The following FHOD3 variants were observed in gnomAD, a reference collection of about 807,000 sequenced individuals.
FHOD3 encodes formin homology 2 domain containing 3.
Under a neutral mutation model 173.0 loss-of-function variants are expected in FHOD3, and 90 were observed. The ratio of observed to expected loss-of-function variants is 0.52; its 90% CI spans 0.44 to 0.62. The LOEUF (loss-of-function observed/expected upper bound fraction) is 0.62, where lower values mean the gene tolerates loss of function less well. FHOD3 is among the 20% of genes least tolerant of loss of function. FHOD3 has a pLI of 0.00. For synonymous variants in FHOD3, 828 were observed against 823.0 expected, an observed-to-expected ratio of 1.01 and a Z score of -0.10; for missense variants, 1,945 against 2,034.7, an observed-to-expected ratio of 0.96 and a Z score of 0.85.
intron 7 of FHOD3, among the ~76,000 whole-genome samples, chr18:36,597,419 TTTTTG>T (rs949490344): frequency 2.6e-5 from 4 of 152,104 alleles, no homozygotes; most frequent in African/African-American, 7.2e-5. Flanking sequence ...ATTGTTTTTG[TTTTTG>T]TTTTGTTTTG....
intron 3 of FHOD3, among the ~76,000 whole-genome samples, chr18:36,474,834 C>G (rs1041759175): frequency 1.3e-5 from 2 of 152,050 alleles, no homozygotes; most frequent in African/African-American, 4.8e-5. Flanking sequence ...GGCCTGGGGC[C>G]CTCTGGCTGG....
At chr18:36,430,064 C>T (rs942106467) in intron 3 of FHOD3, among the ~76,000 whole-genome samples, 8 of 152,252 alleles carry the variant, frequency 5.3e-5, no homozygotes, top group East Asian at 1.9e-4. Context: ...CAGAATGATA[C>T]GTTTTCATCT....
At chr18:36,639,662 C>G (rs1216909223) in intron 10 of FHOD3, among the ~76,000 whole-genome samples, 3 of 77,862 alleles carry the variant, frequency 3.9e-5, no homozygotes, top group Non-Finnish European at 7.5e-5. Flanking sequence ...GACTCCATCT[C>G]AAAAAAAAAA....
At chr18:36,597,036 A>G (rs1311547221) in intron 7 of FHOD3, among the ~76,000 whole-genome samples, 12 of 152,148 alleles carry the variant, frequency 7.9e-5, no homozygotes, top group Admixed American at 7.9e-4. Context: ...GCTTGAGGAC[A>G]ACTAACAAAC....
intron 5 of FHOD3, among the ~76,000 whole-genome samples, chr18:36,535,943 T>C (rs1365618071): frequency 2.6e-5 from 4 of 152,214 alleles, no homozygotes; most frequent in African/African-American, 9.6e-5. Context: ...TTGCAGATTT[T>C]TTAATTGACT....
At chr18:36,589,055 G>GGC (rs2059127723) in intron 6 of FHOD3, among the ~76,000 whole-genome samples, 1 of 152,162 alleles carries the variant, frequency 6.6e-6, no homozygotes, top group South Asian at 2.1e-4. Flanking sequence ...GTCCTCTGAA[G>GGC]GCTTTTAGCC....
rs2042078133 is a variant in FHOD3 at position 36,744,941 on chromosome 18, A to C, written c.4041+748A>C. Among the ~76,000 whole-genome samples, 3 of 152,120 alleles carry C rather than the reference A, an allele frequency of 2.0e-5. No individual in the cohort carries two copies. In the South Asian group the frequency reaches 6.2e-4, roughly 32 times the overall value. ...GAGGGCAGGGGTGGAAAATACCCTT[A>C]AATAGGGCACAGCAACCAGGCTAGT... On this transcript the variant is annotated intron_variant, in intron 23 of 28. Transcript: ENST00000590592.
At chr18:36,766,629 C>A (rs902662699) in intron 27 of FHOD3, among the ~76,000 whole-genome samples, 1 of 152,054 alleles carries the variant, frequency 6.6e-6, no homozygotes, top group African/African-American at 2.4e-5. Flanking sequence ...CCAAGAGGAG[C>A]GGACATAAAG....
intron 6 of FHOD3, 44 bp downstream of exon 6, chr18:36,576,589 C>T (rs1406276495): frequency 4.8e-6 from 7 of 1,456,340 alleles, no homozygotes; most frequent in Non-Finnish European, 6.6e-6. Flanking sequence ...CTTGTCATAT[C>T]ACTTGCCTTT....
intron 17 of FHOD3, among the ~76,000 whole-genome samples, chr18:36,693,925 C>G (rs1382501331): frequency 6.6e-6 from 1 of 152,196 alleles, no homozygotes; most frequent in East Asian, 1.9e-4. Flanking sequence ...GTAAAAATTA[C>G]TGGCACATGG....
At chr18:36,615,484 G>C (rs1267367038) in intron 9 of FHOD3, among the ~76,000 whole-genome samples, 1 of 152,084 alleles carries the variant, frequency 6.6e-6, no homozygotes, top group African/African-American at 2.4e-5. Context: ...TTTTGTATAT[G>C]TGGGTGTGTG....
intron 3 of FHOD3, among the ~76,000 whole-genome samples, chr18:36,397,531 A>G (rs1056546569): frequency 2.0e-5 from 3 of 152,212 alleles, no homozygotes; most frequent in Non-Finnish European, 2.9e-5. Flanking sequence ...CAAGTAGTAT[A>G]GAGACCCCAT....
At chr18:36,530,171 A>AAACG (rs2056721844) in intron 5 of FHOD3, among the ~76,000 whole-genome samples, 1 of 152,216 alleles carries the variant, frequency 6.6e-6, no homozygotes, top group Non-Finnish European at 1.5e-5. Context: ...CAGACTTAGA[A>AAACG]AACGGTATAA....
At chr18:36,344,804 A>C (rs974625932) in intron 1 of FHOD3, among the ~76,000 whole-genome samples, 1 of 152,180 alleles carries the variant, frequency 6.6e-6, no homozygotes, top group African/African-American at 2.4e-5. Flanking sequence ...CATCTAAAAT[A>C]TATGGGTACC....
chr18:36,468,141 G>C (rs1001743386), intron 3 of FHOD3, among the ~76,000 whole-genome samples: 4 of 152,128 alleles, frequency 2.6e-5, no homozygotes, highest in African/African-American at 9.7e-5. Flanking sequence ...AACAAGCAAG[G>C]GTCGAATGCT....
chr18:36,566,393 G>A (rs932848654), intron 5 of FHOD3, among the ~76,000 whole-genome samples: 1 of 152,180 alleles, frequency 6.6e-6, no homozygotes. Context: ...TCTGTTAAAT[G>A]TAAGGCATGT....
chr18:36,390,483 GCTGGGTCCTGCT>G (rs370923701), intron 3 of FHOD3, among the ~76,000 whole-genome samples: 109 of 152,316 alleles, frequency 7.2e-4, no homozygotes, highest in African/African-American at 2.6e-3. Flanking sequence ...CTGTTCTGGT[GCTGGGTCCTGCT>G]CTGGCATGCA....
chr18:36,327,222 A>G (rs1419018981), intron 1 of FHOD3, among the ~76,000 whole-genome samples: 1 of 152,242 alleles, frequency 6.6e-6, no homozygotes, highest in Non-Finnish European at 1.5e-5. Context: ...ATTGTTAAAA[A>G]TTGTATTCAT....
chr18:36,649,293 C>G (rs1357677469), intron 10 of FHOD3, 23 bp from the exon 11 acceptor site: 3 of 1,524,392 alleles, frequency 2.0e-6, no homozygotes, highest in South Asian at 1.2e-5. Context: ...GTGTGCATTT[C>G]TCTTTTCCTG....
Sources: allele counts gnomAD v4.1 joint callset (sites outside exome capture counted in the v4.1 genomes callset), GRCh38; gene constraint gnomAD v4.1.1; transcripts MANE v1.5; gene names NCBI Gene and HGNC (gene_info 2026-07-23, HGNC 2026-07-21).